KCNG2: variants seen among roughly 807,000 people sequenced by gnomAD.
The protein encoded by KCNG2 is potassium voltage-gated channel modifier subfamily G member 2, also known as voltage-gated potassium channel regulatory subunit KCNG2.
A neutral mutation model predicts 12.3 loss-of-function variants in KCNG2; 7 were observed. The observed-to-expected ratio is 0.57, with a 90% CI of 0.32 to 1.07. The LOEUF (loss-of-function observed/expected upper bound fraction) is 1.07, where lower values mean the gene tolerates loss of function less well. Among genes scored for constraint, KCNG2 ranks in the 50% least tolerant of loss-of-function variants. The pLI is 0.04. For missense variants in KCNG2, 703 were observed against 726.0 expected, an observed-to-expected ratio of 0.97 and a Z score of 0.36; for synonymous variants, 414 against 351.4, an observed-to-expected ratio of 1.18 and a Z score of -1.99.
At position 79,856,363 on chromosome 18, in the gene KCNG2, G is replaced by A. The variant is rs1030294512; in HGVS notation, c.-114-16G>A. 6.6e-6 allele frequency among the ~76,000 whole-genome samples: 1 copy of A among 152,210 alleles called. No homozygotes were observed. Among genetic ancestry groups the A allele is most frequent in the African/African-American group, 2.4e-5 (1 of 41,446 alleles). ...CTCTCTGTCCCTTAGGGTGAAACTG[G>A]ATGTTCATTTTCCAGGTCGAAGCCG... On this transcript the variant is annotated splice_polypyrimidine_tract_variant and intron_variant, in intron 1 of 3. Coordinates refer to ENST00000316249, the MANE Select transcript of KCNG2 (RefSeq NM_012283.2).
intron 1 of KCNG2, among the ~76,000 whole-genome samples, chr18:79,828,598 T>A (rs1367843827): frequency 6.6e-6 from 1 of 151,978 alleles, no homozygotes; most frequent in Non-Finnish European, 1.5e-5. Flanking sequence ...CATGTGGGTG[T>A]GTGGATGTGT....
At chr18:79,870,897 G>C (rs1979802803) in intron 3 of KCNG2, among the ~76,000 whole-genome samples, 1 of 152,174 alleles carries the variant, frequency 6.6e-6, no homozygotes, top group Non-Finnish European at 1.5e-5. Context: ...TGTTGATCAG[G>C]GTTCTCCAGA....
chr18:79,889,890 C>T (rs1316456387), intron 3 of KCNG2, among the ~76,000 whole-genome samples: 1 of 152,156 alleles, frequency 6.6e-6, no homozygotes, highest in African/African-American at 2.4e-5. Context: ...GCCCTTTTTG[C>T]GGAGGTTTCC....
At chr18:79,815,228 C>T (rs2122999151) in intron 1 of KCNG2, among the ~76,000 whole-genome samples, 1 of 152,058 alleles carries the variant, frequency 6.6e-6, no homozygotes. Flanking sequence ...TGCTTGAACC[C>T]AGGAGTTCAA....
intron 1 of KCNG2, among the ~76,000 whole-genome samples, chr18:79,834,907 C>G (rs1282003766): frequency 2.0e-5 from 3 of 152,228 alleles, no homozygotes; most frequent in Admixed American, 1.3e-4. Flanking sequence ...GTGTTCACAT[C>G]CAGTCCTCTG....
At chr18:79,873,553 G>C (rs1235008528) in intron 3 of KCNG2, among the ~76,000 whole-genome samples, 1 of 152,110 alleles carries the variant, frequency 6.6e-6, no homozygotes, top group Admixed American at 6.5e-5. Context: ...GCCGGCCCTA[G>C]CTGTCCGGCC....
At chr18:79,875,699 G>A (rs1980042757) in intron 3 of KCNG2, among the ~76,000 whole-genome samples, 1 of 152,196 alleles carries the variant, frequency 6.6e-6, no homozygotes, top group Non-Finnish European at 1.5e-5. Context: ...TGCAAGTCTG[G>A]CCAAGAGCAA....
At chr18:79,897,221 A>C (rs1981010401) in intron 3 of KCNG2, among the ~76,000 whole-genome samples, 1 of 151,944 alleles carries the variant, frequency 6.6e-6, no homozygotes, top group Non-Finnish European at 1.5e-5. Flanking sequence ...ATTGGTGCAT[A>C]TAACGGTGTC....
intron 1 of KCNG2, among the ~76,000 whole-genome samples, chr18:79,843,723 A>G (rs566136212): frequency 6.6e-6 from 1 of 152,308 alleles, no homozygotes; most frequent in South Asian, 2.1e-4. Context: ...AAAAATTGTA[A>G]TAGATACACA....
At chr18:79,892,113 T>TAA (rs35997999) in intron 3 of KCNG2, among the ~76,000 whole-genome samples, 175 of 123,636 alleles carry the variant, frequency 1.4e-3, no homozygotes, top group Admixed American at 2.4e-3. Flanking sequence ...AGACTCCGTC[T>TAA]AAAAAAAAAA....
intron 1 of KCNG2, among the ~76,000 whole-genome samples, chr18:79,832,285 C>T (rs1978300422): frequency 6.7e-6 from 1 of 149,336 alleles, no homozygotes; most frequent in East Asian, 2.0e-4. Flanking sequence ...CACCTGCCCT[C>T]ACCTGCCCAT....
At chr18:79,895,516 T>G (rs1264982738) in intron 3 of KCNG2, among the ~76,000 whole-genome samples, 1 of 151,978 alleles carries the variant, frequency 6.6e-6, no homozygotes, top group Non-Finnish European at 1.5e-5. Flanking sequence ...TAGTTGGGTT[T>G]GTGTCTGCTT....
rs767805279 is a variant in KCNG2 at position 79,899,381 on chromosome 18, C to T, written c.966C>T (p.Phe322=). 14 of 1,564,720 alleles carry T rather than the reference C, an allele frequency of 8.9e-6. No homozygotes were observed. The highest frequency in any genetic ancestry group is 5.5e-5 in the African/African-American group (4 of 72,616). ...CCATGCGCCGCTGCGCGCGCGAGTT[C>T]GGGCTGCTGCTGCTGTTCCTCTGCG... The part of the protein sequence containing the change: ...GLTMRRCARE[F]GLLLLFLCVA... Residue 322 remains phenylalanine, a synonymous_variant, in exon 4 of 4, where the codon TTC becomes TTT. Transcript: ENST00000316249.
At chr18:79,828,859 T>G (rs1978288544) in intron 1 of KCNG2, among the ~76,000 whole-genome samples, 2 of 138,658 alleles carry the variant, frequency 1.4e-5, no homozygotes, top group Admixed American at 7.2e-5. Flanking sequence ...TGTGTCTGTG[T>G]GTGGGTGTCT....
intron 1 of KCNG2, among the ~76,000 whole-genome samples, chr18:79,820,940 G>A (rs1249823824): frequency 1.3e-5 from 2 of 152,042 alleles, no homozygotes; most frequent in Non-Finnish European, 2.9e-5. Flanking sequence ...GAGCCACCAT[G>A]CCTAGCCCCT....
chr18:79,899,892 TG>T lies in KCNG2; in HGVS notation c.*82del. 8.0e-7 allele frequency: 1 copy of T among 1,246,466 alleles called. No individual in the cohort carries two copies. Among genetic ancestry groups the T allele is most frequent in the Non-Finnish European group, 1.0e-6 (1 of 986,080 alleles). The allele number at this position is 1,246,466 out of a possible 1,614,324, so 77.2% of individuals were successfully genotyped here. A position where few individuals can be genotyped will look rare whatever the true frequency, so the allele number is the denominator to read the frequency against. ...GGGACCCCCGAGGTGCGCCAAGGGG[TG>T]GGGGGCGTCTGGCCTGGGGGAGCGG... On this transcript the variant is annotated 3_prime_UTR_variant, in exon 4 of 4. Transcript: ENST00000316249.
intron 1 of KCNG2, among the ~76,000 whole-genome samples, chr18:79,835,679 T>C (rs1294020382): frequency 6.6e-6 from 1 of 152,214 alleles, no homozygotes; most frequent in African/African-American, 2.4e-5. Context: ...GTGAGTTTTC[T>C]GAATTGCTCG....
At position 79,818,719 on chromosome 18, in the gene KCNG2, G is replaced by A. The variant is rs1461431045; in HGVS notation, c.-115+20705G>A. ...TAAGGAACCGCCCAGAAATCAGTTC[G>A]TACCTGCGAGAGACGTCCGTGTCCT... On this transcript the variant is annotated intron_variant, in intron 1 of 3. Transcript: ENST00000316249. Among the ~76,000 whole-genome samples, 6 of 152,324 alleles carry A rather than the reference G, an allele frequency of 3.9e-5. No homozygotes were observed. In the East Asian group the frequency reaches 5.8e-4, roughly 15 times the overall value.
chr18:79,899,807 A>G lies in KCNG2; in HGVS notation c.1392A>G (p.Ala464=), dbSNP rs890154326. The G allele has an allele frequency of 7.1e-7, 1 of 1,407,598 alleles. No homozygotes were observed. Among genetic ancestry groups the G allele is most frequent in the African/African-American group, 1.5e-5 (1 of 66,708 alleles). The allele number at this position is 1,407,598 out of a possible 1,614,324, so 87.2% of individuals were successfully genotyped here. A position where few individuals can be genotyped will look rare whatever the true frequency, so the allele number is the denominator to read the frequency against. The change falls in exon 4 of 4, where the codon GCA becomes GCG. Residue 464 remains alanine, a synonymous_variant. Coordinates refer to ENST00000316249, the MANE Select transcript of KCNG2 (RefSeq NM_012283.2). ...CCGCGGATGCGCTGTGGGTGCGGGC[A>G]GGGCGCTGACGCCTGCGCCGCCCAC... ...DDSADALWVR[A]GR
Sources: allele counts gnomAD v4.1 joint callset (sites outside exome capture counted in the v4.1 genomes callset), GRCh38; gene constraint gnomAD v4.1.1; transcripts MANE v1.5; gene names NCBI Gene and HGNC (gene_info 2026-07-23, HGNC 2026-07-21).